PSPH: variants seen among roughly 807,000 people sequenced by gnomAD.
The protein encoded by PSPH is phosphoserine phosphatase.
PSPH carries 16 observed loss-of-function variants against 23.4 expected under a neutral mutation model. The observed-to-expected ratio is 0.68, with a 90% CI of 0.46 to 1.04. PSPH has a LOEUF of 1.04. Among genes scored for constraint, PSPH ranks in the 50% least tolerant of loss-of-function variants. PSPH has a pLI of 0.00. For missense variants in PSPH, 223 were observed against 273.7 expected (o/e 0.81, Z 1.31); for synonymous variants, 68 against 99.7 (o/e 0.68, Z 1.89).
At chr7:56,050,175 A>C (rs1793824183) in intron 1 of PSPH, among the ~76,000 whole-genome samples, 1 of 152,122 alleles carries the variant, frequency 6.6e-6, no homozygotes, top group Non-Finnish European at 1.5e-5. Flanking sequence ...AAATACACAA[A>C]CCCACCTAAG....
At chr7:56,013,984 C>T (rs912607195) in intron 7 of PSPH, among the ~76,000 whole-genome samples, 4 of 151,862 alleles carry the variant, frequency 2.6e-5, no homozygotes, top group African/African-American at 9.7e-5. Context: ...AAAATCTTAG[C>T]TGGGTGTGGT....
chr7:56,047,209 CCTT>C (rs886939794), intron 1 of PSPH, among the ~76,000 whole-genome samples: 3 of 151,630 alleles, frequency 2.0e-5, no homozygotes, highest in African/African-American at 7.3e-5. Context: ...CATAGCATGA[CCTT>C]CTCTCTACAA....
rs1173339908 is a variant in PSPH, at chr7:56,042,700, C to A, written c.-292+8438G>T. On this transcript the variant is annotated intron_variant, in intron 1 of 7. Coordinates refer to ENST00000275605, the MANE Select transcript of PSPH (RefSeq NM_004577.4). The stretch of plus-strand genomic sequence containing the variant: ...ATGTAGAAGGAAAACACATAACTAT[C>A]ACACTGGGCATGGTGGCACATGCCT... 2.0e-5 allele frequency among the ~76,000 whole-genome samples: 3 copies of A among 150,490 alleles called. No homozygotes were observed. In the East Asian group the frequency reaches 5.8e-4, roughly 29 times the overall value.
Position 56,051,408 on chromosome 7 carries a change from A to G in PSPH, c.-562T>C. ...ACTCGCGTGTGGCCCCACGGCACCTAGGGCACCGTCGAGCACACGGTCCGG... is the reference window on the plus strand; with the variant it reads ...ACTCGCGTGTGGCCCCACGGCACCTGGGGCACCGTCGAGCACACGGTCCGG... On this transcript the variant is annotated 5_prime_UTR_variant, in exon 1 of 8. Coordinates refer to ENST00000275605, the MANE Select transcript of PSPH (RefSeq NM_004577.4). 1.0e-5 allele frequency: 2 copies of G among 200,370 alleles called. No homozygotes were observed. The highest frequency in any genetic ancestry group is 6.9e-5 in the South Asian group (1 of 14,500). 12.4% of individuals were successfully genotyped at this position (200,370 alleles called of 1,614,324 possible).
At chr7:56,017,557 CT>C (rs966985189) in intron 5 of PSPH, among the ~76,000 whole-genome samples, 178 bp from the exon 6 acceptor site, 19 of 145,876 alleles carry the variant, frequency 1.3e-4, no homozygotes, top group Admixed American at 6.9e-5. Context: ...TTTTCTTTTT[CT>C]TTTTTTTTTG....
chr7:56,047,830 T>C (rs35523043), intron 1 of PSPH, among the ~76,000 whole-genome samples: 5,823 of 152,104 alleles, frequency 0.038, 155 homozygotes, highest in African/African-American at 0.073. Context: ...CCATGCCCAG[T>C]TAATTTTTTG....
intron 1 of PSPH, among the ~76,000 whole-genome samples, chr7:56,046,649 T>G (rs1793282959): frequency 6.6e-6 from 1 of 152,030 alleles, no homozygotes; most frequent in African/African-American, 2.4e-5. Context: ...CTGGGCATGG[T>G]GGCGGGAGCC....
chr7:56,013,973 C>A (rs1788269517), intron 7 of PSPH, among the ~76,000 whole-genome samples: 1 of 151,912 alleles, frequency 6.6e-6, no homozygotes, highest in South Asian at 2.1e-4. Context: ...ACCAAAAACA[C>A]AAAATCTTAG....
chr7:56,034,757 C>T (rs1207686663), intron 1 of PSPH, among the ~76,000 whole-genome samples: 1 of 151,960 alleles, frequency 6.6e-6, no homozygotes, highest in Non-Finnish European at 1.5e-5. Context: ...ACCTCGTGAT[C>T]CGCCCGCCTT....
intron 4 of PSPH, among the ~76,000 whole-genome samples, 168 bp downstream of exon 4, chr7:56,020,905 T>G (rs1435462858): frequency 6.6e-6 from 1 of 152,252 alleles, no homozygotes; most frequent in African/African-American, 2.4e-5. Flanking sequence ...CATGTTTGTT[T>G]GCCATAAATA....
intron 1 of PSPH, among the ~76,000 whole-genome samples, chr7:56,050,781 CTT>C (rs1382866040): frequency 6.6e-6 from 1 of 152,172 alleles, no homozygotes; most frequent in Non-Finnish European, 1.5e-5. Flanking sequence ...CCAGGGGTAA[CTT>C]TGCTTGTCTC....
Position 56,011,853 on chromosome 7 carries a change from A to G in PSPH, c.587T>C (p.Phe196Ser). 1.9e-6 allele frequency: 3 copies of G among 1,607,980 alleles called. No individual in the cohort carries two copies. Among genetic ancestry groups the G allele is most frequent in the Non-Finnish European group, 2.6e-6 (3 of 1,174,574 alleles). ...TTGTTGCCTGATCACATTTCCTCCA[A>G]ATCCAATGAAAGCATCCTAAGAAGG... Reference protein sequence around the residue: ...ACPPADAFIGFGGNVIRQQVK... With the variant: ...ACPPADAFIGSGGNVIRQQVK... Residue 196 changes from phenylalanine (F) to serine (S), a missense_variant, in exon 8 of 8, where the codon TTT becomes TCT. Transcript: ENST00000275605.
intron 1 of PSPH, among the ~76,000 whole-genome samples, chr7:56,037,774 G>A (rs1305931224): frequency 1.4e-5 from 2 of 146,174 alleles, no homozygotes; most frequent in Non-Finnish European, 3.0e-5. Context: ...GTGCAGTAGC[G>A]TGATCTTGGC....
intron 3 of PSPH, among the ~76,000 whole-genome samples, chr7:56,021,904 C>A (rs866070991): frequency 3.4e-5 from 5 of 146,810 alleles, no homozygotes; most frequent in Non-Finnish European, 5.9e-5. Context: ...GAGCCAAGAT[C>A]GCGCCACTGC....
chr7:56,017,082 G>A (rs756788665), intron 6 of PSPH, 152 bp downstream of exon 6: 20 of 1,361,696 alleles, frequency 1.5e-5, no homozygotes, highest in African/African-American at 4.4e-5. Context: ...TGAGCAAAGG[G>A]TACCAAAGGG....
In PSPH at chr7:56,017,380, C is replaced by T. The variant is rs1250061574; in HGVS notation, c.276-1G>A. The T allele has an allele frequency of 1.3e-6, 2 of 1,544,888 alleles. No homozygotes were observed. The highest frequency in any genetic ancestry group is 1.8e-6 in the Non-Finnish European group (2 of 1,137,546). ...CTCCTGTAGGCGACTTACCAGCTCC[C>T]TGCAAAATAAAATACAAAATACCCA... On this transcript the variant is annotated splice_acceptor_variant, in intron 5 of 7. Coordinates refer to ENST00000275605, the MANE Select transcript of PSPH (RefSeq NM_004577.4). LOFTEE classifies it high-confidence loss of function.
chr7:56,028,360 G>A (rs1354477022), intron 3 of PSPH, among the ~76,000 whole-genome samples: 1 of 151,982 alleles, frequency 6.6e-6, no homozygotes, highest in African/African-American at 2.4e-5. Context: ...GAGTAGCAGA[G>A]ACCACAGGCA....
chr7:56,017,686 A>C (rs1788751065), intron 5 of PSPH, among the ~76,000 whole-genome samples: 1 of 131,204 alleles, frequency 7.6e-6, no homozygotes, highest in African/African-American at 3.0e-5. Context: ...GGTAGCTGGG[A>C]TTACAGGCAC....
intron 7 of PSPH, among the ~76,000 whole-genome samples, chr7:56,014,664 C>A (rs1788347543): frequency 6.6e-6 from 1 of 152,122 alleles, no homozygotes; most frequent in Non-Finnish European, 1.5e-5. Flanking sequence ...AAAAGTACGG[C>A]CGGGCACGGT....
Sources: allele counts gnomAD v4.1 joint callset (sites outside exome capture counted in the v4.1 genomes callset), GRCh38; gene constraint gnomAD v4.1.1; transcripts MANE v1.5; gene names NCBI Gene and HGNC (gene_info 2026-07-23, HGNC 2026-07-21).